CEMIP2: variants seen among roughly 807,000 people sequenced by gnomAD.
The protein encoded by CEMIP2 is cell migration inducing hyaluronidase 2, also known as cell surface hyaluronidase CEMIP2.
In CEMIP2, 79 loss-of-function variants were observed where a neutral mutation model predicts 146.9. The observed-to-expected ratio is 0.54, with a 90% confidence interval of 0.45 to 0.65. CEMIP2 has a LOEUF of 0.65. Ranked by LOEUF, CEMIP2 falls within the 30% of genes least tolerant of loss-of-function variation. The pLI, the probability that CEMIP2 is intolerant of heterozygous loss-of-function variation, is 0.00. For synonymous variants in CEMIP2, 601 were observed against 606.3 expected (o/e 0.99, Z 0.13); for missense variants, 1,596 against 1,696.2 (o/e 0.94, Z 1.04).
chr9:71,729,020 G>A (rs1362524574), intron 10 of CEMIP2, among the ~76,000 whole-genome samples: 6 of 151,720 alleles, frequency 4.0e-5, no homozygotes, highest in Admixed American at 3.9e-4. Context: ...TGTAGGGGGA[G>A]GTGATGATTG....
At chr9:71,755,420 G>A (rs1313658786) in intron 1 of CEMIP2, among the ~76,000 whole-genome samples, 1 of 150,978 alleles carries the variant, frequency 6.6e-6, no homozygotes. Flanking sequence ...CATGCCTGTA[G>A]CCCTAGCTAC....
chr9:71,706,465 T>C (rs12341685), intron 17 of CEMIP2, among the ~76,000 whole-genome samples: 24,210 of 152,064 alleles, frequency 0.16, 2,716 homozygotes, highest in African/African-American at 0.31. Flanking sequence ...GAGTATTAGA[T>C]GACTTATTTC....
At chr9:71,689,035 C>T (rs568122282) in intron 22 of CEMIP2, among the ~76,000 whole-genome samples, 1 of 152,090 alleles carries the variant, frequency 6.6e-6, no homozygotes, top group Non-Finnish European at 1.5e-5. Context: ...CTATGGGGTA[C>T]CTTGCAGGAC....
At chr9:71,688,878 T>C (rs752750757) in intron 22 of CEMIP2, among the ~76,000 whole-genome samples, 1 of 152,198 alleles carries the variant, frequency 6.6e-6, no homozygotes, top group Non-Finnish European at 1.5e-5. Flanking sequence ...AGTTGCTCCA[T>C]ACCTTCTTAA....
In CEMIP2 at chr9:71,746,599, A is replaced by T. The variant is rs1159149464; in HGVS notation, c.332-258T>A. ...TCTAGTTCAGGACAAACTTCACCAA[A>T]AAAAAAAAAAAAAAAAAAAAGTTTC... On this transcript the variant is annotated intron_variant, in intron 2 of 23. Transcript: ENST00000377044. Among the ~76,000 whole-genome samples, 4 of 132,390 alleles carry T rather than the reference A, an allele frequency of 3.0e-5. No individual in the cohort carries two copies. In the East Asian group the frequency reaches 8.0e-4, roughly 27 times the overall value. 86.9% of individuals were successfully genotyped at this position (132,390 alleles called of 152,430 possible). A position where few individuals can be genotyped will look rare whatever the true frequency, so the allele number is the denominator to read the frequency against.
At chr9:71,707,025 A>C (rs1345875440) in intron 17 of CEMIP2, among the ~76,000 whole-genome samples, 1 of 151,952 alleles carries the variant, frequency 6.6e-6, no homozygotes, top group Non-Finnish European at 1.5e-5. Context: ...ATGAAGTTTC[A>C]CCATGTTGGC....
At chr9:71,702,121 G>A (rs1204062491) in intron 18 of CEMIP2, among the ~76,000 whole-genome samples, 2 of 152,042 alleles carry the variant, frequency 1.3e-5, no homozygotes, top group African/African-American at 4.8e-5. Flanking sequence ...AGCTGGGTGT[G>A]GTGGCATACG....
At chr9:71,741,254 T>G (rs1420309243) in intron 4 of CEMIP2, among the ~76,000 whole-genome samples, 2 of 128,766 alleles carry the variant, frequency 1.6e-5, no homozygotes, top group African/African-American at 6.1e-5. Flanking sequence ...TGGAGTACAA[T>G]GGCGCAATCT....
chr9:71,726,867 A>G (rs1823399902), intron 10 of CEMIP2, among the ~76,000 whole-genome samples: 1 of 152,196 alleles, frequency 6.6e-6, no homozygotes, highest in South Asian at 2.1e-4. Flanking sequence ...ACCATAACCC[A>G]TAAGCTGAGG....
At chr9:71,713,425 T>G (rs913625025) in intron 15 of CEMIP2, among the ~76,000 whole-genome samples, 1 of 152,172 alleles carries the variant, frequency 6.6e-6, no homozygotes, top group Non-Finnish European at 1.5e-5. Flanking sequence ...CCAATAAACC[T>G]CTTTCTTTTG....
intron 5 of CEMIP2, among the ~76,000 whole-genome samples, chr9:71,738,578 G>A (rs1052209821): frequency 1.3e-5 from 2 of 151,698 alleles, no homozygotes; most frequent in African/African-American, 4.8e-5. Flanking sequence ...GGTGGCTCAC[G>A]CCTGTAATCC....
intron 17 of CEMIP2, among the ~76,000 whole-genome samples, chr9:71,707,336 T>C (rs1822774878): frequency 6.6e-6 from 1 of 152,184 alleles, no homozygotes; most frequent in South Asian, 2.1e-4. Flanking sequence ...TATTACTTTT[T>C]TTTTTTAGTA....
In CEMIP2 at chr9:71,763,133, C is replaced by T. The variant is rs557390702; in HGVS notation, c.-13+5224G>A. Among the ~76,000 whole-genome samples the T allele has an allele frequency of 1.1e-4, 17 of 151,492 alleles. No homozygotes were observed. In the South Asian group the frequency reaches 3.1e-3, roughly 28 times the overall value. On this transcript the variant is annotated intron_variant, in intron 1 of 23. Coordinates refer to ENST00000377044, the MANE Select transcript of CEMIP2 (RefSeq NM_013390.3). ...CTGAAACAGGAATCAGGCATATGTC[C>T]CTGTGTTAAGCTAAATCTTTCCCAT... is the stretch of plus-strand genomic sequence containing the variant.
chr9:71,713,213 G>A (rs899693022), intron 15 of CEMIP2, among the ~76,000 whole-genome samples: 15 of 152,092 alleles, frequency 9.9e-5, no homozygotes, highest in South Asian at 2.1e-4. Flanking sequence ...TGACTGAATC[G>A]GGGGCGGGTC....
At chr9:71,752,491 G>GGGGGAGGAGA (rs1824288750) in intron 1 of CEMIP2, among the ~76,000 whole-genome samples, 1 of 149,054 alleles carries the variant, frequency 6.7e-6, no homozygotes, top group African/African-American at 2.5e-5. Flanking sequence ...GGGGAGGGAA[G>GGGGGAGGAGA]GAGGGAGGAA....
At chr9:71,748,254 A>G (rs1399253459) in intron 2 of CEMIP2, among the ~76,000 whole-genome samples, 1 of 152,194 alleles carries the variant, frequency 6.6e-6, no homozygotes, top group African/African-American at 2.4e-5. Flanking sequence ...TTCCAGTAAA[A>G]TGCACTTAAT....
chr9:71,765,593 T>C (rs1049368464), intron 1 of CEMIP2, among the ~76,000 whole-genome samples: 30 of 152,204 alleles, frequency 2.0e-4, no homozygotes, highest in Non-Finnish European at 4.3e-4. Context: ...CTATTTTGTC[T>C]GATTTAACAA....
rs139825626 is a variant in CEMIP2, at chr9:71,763,432, T to C, written c.-13+4925A>G. ...ATGAAACTCAGTCAGAGGTCAATTC[T>C]TTTCTCATGGGCTCAATGTGGATTG... On this transcript the variant is annotated intron_variant, in intron 1 of 23. Transcript: ENST00000377044. Among the ~76,000 whole-genome samples the C allele has an allele frequency of 3.9e-4, 59 of 152,346 alleles. 2 individuals carry two copies. The highest frequency in any genetic ancestry group is 1.3e-3 in the African/African-American group (55 of 41,594).
At chr9:71,724,894 G>A (rs1306103921) in intron 11 of CEMIP2, among the ~76,000 whole-genome samples, 1 of 152,104 alleles carries the variant, frequency 6.6e-6, no homozygotes. Context: ...CTAGAAACAG[G>A]TAACGACATT....
Sources: gnomAD v4.1 joint callset for allele counts (sites outside exome capture counted in the v4.1 genomes callset) on GRCh38, gnomAD v4.1.1 for gene constraint, MANE v1.5 for transcripts, NCBI Gene and HGNC (gene_info 2026-07-23, HGNC 2026-07-21) for gene names.